The following CPNE4 variants were observed in gnomAD, a reference collection of about 807,000 sequenced individuals.
CPNE4 encodes the protein copine 4.
In CPNE4, 25 loss-of-function variants were observed where a neutral mutation model predicts 67.9. That is an observed-to-expected ratio of 0.37 (90% CI 0.27 to 0.51). The LOEUF (loss-of-function observed/expected upper bound fraction) is 0.51. Ranked by LOEUF, CPNE4 falls within the 20% of genes least tolerant of loss-of-function variation. The probability of loss-of-function intolerance (pLI) is 0.93; values close to 1 mark genes in which losing one functional copy is unlikely to be tolerated. For synonymous variants in CPNE4, 242 were observed against 244.9 expected, an observed-to-expected ratio of 0.99 and a Z score of 0.11; for missense variants, 464 against 690.8, an observed-to-expected ratio of 0.67 and a Z score of 3.68.
chr3:131,750,916 G>A (rs77723914), intron 2 of CPNE4, among the ~76,000 whole-genome samples: 1,852 of 152,052 alleles, frequency 0.012, 29 homozygotes, highest in Non-Finnish European at 0.018. Flanking sequence ...TTTTCACTGG[G>A]TATAGGATTC....
At chr3:131,795,497 C>A (rs779030794) in intron 2 of CPNE4, among the ~76,000 whole-genome samples, 5 of 152,136 alleles carry the variant, frequency 3.3e-5, no homozygotes, top group African/African-American at 4.8e-5. Context: ...CAAACAGAAA[C>A]CAGCCCTTTA....
intron 2 of CPNE4, among the ~76,000 whole-genome samples, chr3:131,895,565 T>TAATG (rs1553798967): frequency 2.7e-5 from 4 of 145,936 alleles, no homozygotes; most frequent in Non-Finnish European, 6.1e-5. Context: ...TAATTTTATT[T>TAATG]TTTTTGTTTT....
At chr3:131,832,075 G>T (rs2085393049) in intron 2 of CPNE4, among the ~76,000 whole-genome samples, 1 of 152,068 alleles carries the variant, frequency 6.6e-6, no homozygotes, top group Non-Finnish European at 1.5e-5. Flanking sequence ...ATTGTCAGGG[G>T]TTCAAAGTTC....
chr3:131,908,237 A>G (rs1212208019), intron 1 of CPNE4, among the ~76,000 whole-genome samples: 2 of 152,284 alleles, frequency 1.3e-5, no homozygotes, highest in South Asian at 2.1e-4. Flanking sequence ...TGCACAGATT[A>G]TAAGTCTATA....
intron 7 of CPNE4, among the ~76,000 whole-genome samples, chr3:131,644,584 A>T (rs2079618140): frequency 6.6e-6 from 1 of 152,208 alleles, no homozygotes; most frequent in African/African-American, 2.4e-5. Context: ...CAGATTTTAG[A>T]TATGAATCAC....
At chr3:131,903,538 C>T (rs1460973960) in intron 2 of CPNE4, among the ~76,000 whole-genome samples, 1 of 152,066 alleles carries the variant, frequency 6.6e-6, no homozygotes, top group East Asian at 1.9e-4. Context: ...AAGACTGATA[C>T]CAGTGTCCAG....
Position 131,723,037 on chromosome 3 carries a change from C to T in CPNE4, c.360+409G>A, listed in dbSNP as rs184367342. ...GGGCTATTTTTGGTACCAGAGATGTCGACTAAATGTGAATGAGAAATACTT... is the reference window on the plus strand; with the variant it reads ...GGGCTATTTTTGGTACCAGAGATGTTGACTAAATGTGAATGAGAAATACTT... On this transcript the variant is annotated intron_variant, in intron 3 of 15. Coordinates refer to ENST00000429747, the MANE Select transcript of CPNE4 (RefSeq NM_130808.3). Among the ~76,000 whole-genome samples, 3 of 152,260 alleles carry T rather than the reference C, an allele frequency of 2.0e-5. No homozygotes were observed. In the East Asian group the frequency reaches 5.8e-4, roughly 29 times the overall value.
intron 2 of CPNE4, among the ~76,000 whole-genome samples, chr3:131,746,746 T>C (rs989995316): frequency 6.6e-6 from 1 of 152,184 alleles, no homozygotes; most frequent in African/African-American, 2.4e-5. Flanking sequence ...AGTGCAGATA[T>C]CTCTTTGATA....
At chr3:131,793,572 T>C (rs988030935) in intron 2 of CPNE4, among the ~76,000 whole-genome samples, 5 of 152,228 alleles carry the variant, frequency 3.3e-5, no homozygotes, top group African/African-American at 1.2e-4. Flanking sequence ...GCATTTCTGA[T>C]ACATAGTCAC....
intron 6 of CPNE4, among the ~76,000 whole-genome samples, chr3:131,675,072 G>C (rs2080522969): frequency 6.6e-6 from 1 of 151,918 alleles, no homozygotes; most frequent in Admixed American, 6.6e-5. Context: ...TTGATCCACT[G>C]GTCATTCAGG....
chr3:131,858,046 ATTT>A (rs1239376582), intron 2 of CPNE4, among the ~76,000 whole-genome samples: 1 of 152,078 alleles, frequency 6.6e-6, no homozygotes, highest in African/African-American at 2.4e-5. Flanking sequence ...TTCTTTAGAG[ATTT>A]TTTATTAATT....
At chr3:132,026,987 C>T (rs1379611330) in intron 1 of CPNE4, among the ~76,000 whole-genome samples, 3 of 152,232 alleles carry the variant, frequency 2.0e-5, no homozygotes, top group East Asian at 1.9e-4. Context: ...CATAACAAAA[C>T]TTAACACATA....
chr3:131,839,687 T>C (rs975504282), intron 2 of CPNE4, among the ~76,000 whole-genome samples: 1 of 152,074 alleles, frequency 6.6e-6, no homozygotes, highest in Non-Finnish European at 1.5e-5. Flanking sequence ...TTGTCACACA[T>C]GGGTTTGTCA....
At chr3:131,843,797 C>A (rs946747809) in intron 2 of CPNE4, among the ~76,000 whole-genome samples, 2 of 152,132 alleles carry the variant, frequency 1.3e-5, no homozygotes, top group Admixed American at 1.3e-4. Flanking sequence ...ACTCTAGGGG[C>A]CTTGTCCCCT....
intron 1 of CPNE4, among the ~76,000 whole-genome samples, chr3:131,995,443 CT>C (rs1165489115): frequency 6.6e-6 from 1 of 152,148 alleles, no homozygotes. Flanking sequence ...TGCTTCTTCA[CT>C]TTTCTTCAGG....
intron 1 of CPNE4, among the ~76,000 whole-genome samples, chr3:131,916,296 C>T (rs776086601): frequency 1.4e-4 from 20 of 147,060 alleles, no homozygotes; most frequent in Non-Finnish European, 2.2e-4. Context: ...ACTAGGGTCA[C>T]GTTAACAGGA....
chr3:131,549,072 T>C (rs1429960509), intron 14 of CPNE4, among the ~76,000 whole-genome samples: 1 of 152,084 alleles, frequency 6.6e-6, no homozygotes, highest in Non-Finnish European at 1.5e-5. Context: ...AGAGCGAGAA[T>C]ATAACTGCAG....
chr3:131,729,457 T>C (rs1253480612), intron 2 of CPNE4, among the ~76,000 whole-genome samples: 2 of 152,162 alleles, frequency 1.3e-5, no homozygotes, highest in Non-Finnish European at 2.9e-5. Context: ...AGAAATAGCA[T>C]TATTCAATTT....
chr3:131,970,906 T>G (rs1161235320), intron 1 of CPNE4, among the ~76,000 whole-genome samples: 1 of 152,224 alleles, frequency 6.6e-6, no homozygotes, highest in Non-Finnish European at 1.5e-5. Context: ...CCTAACAAAC[T>G]GCCCCAAAAC....
Sources: gnomAD v4.1 joint callset for allele counts (sites outside exome capture counted in the v4.1 genomes callset) on GRCh38, gnomAD v4.1.1 for gene constraint, MANE v1.5 for transcripts, NCBI Gene and HGNC (gene_info 2026-07-23, HGNC 2026-07-21) for gene names.